Variants in HCN1 observed in about 807,000 individuals in gnomAD.
The protein encoded by HCN1 is hyperpolarization activated cyclic nucleotide gated potassium channel 1.
A neutral mutation model predicts 78.9 loss-of-function variants in HCN1; 13 were observed. The observed-to-expected ratio is 0.16, with a 90% CI of 0.11 to 0.26. HCN1 has a LOEUF of 0.26. Among genes scored for constraint, HCN1 ranks in the 10% least tolerant of loss-of-function variants. The pLI, the probability that HCN1 is intolerant of heterozygous loss-of-function variation, is 1.00. For synonymous variants in HCN1, 552 were observed against 455.5 expected, an observed-to-expected ratio of 1.21 and a Z score of -2.70; for missense variants, 810 against 1,154.3, an observed-to-expected ratio of 0.70 and a Z score of 4.32.
chr5:45,644,176 G>A (rs976893225), intron 2 of HCN1: 2 of 152,036 alleles, frequency 1.3e-5, no homozygotes, highest in African/African-American at 4.8e-5. Flanking sequence ...AATTTATCTT[G>A]AAAATGCTAA....
chr5:45,565,692 C>G (rs895411436), intron 2 of HCN1, among the ~76,000 whole-genome samples: 1 of 151,844 alleles, frequency 6.6e-6, no homozygotes, highest in African/African-American at 2.4e-5. Context: ...GGTGTGGTGT[C>G]ACACGGGAGG....
intron 2 of HCN1, among the ~76,000 whole-genome samples, chr5:45,508,510 TC>T (rs1338176762): frequency 6.6e-6 from 1 of 152,100 alleles, no homozygotes; most frequent in Non-Finnish European, 1.5e-5. Flanking sequence ...TATCTCTGCT[TC>T]TATACTCAAA....
chr5:45,453,797 A>G (rs1227514606), intron 3 of HCN1, among the ~76,000 whole-genome samples: 5 of 152,160 alleles, frequency 3.3e-5, no homozygotes, highest in South Asian at 2.1e-4. Context: ...ATACATGAAT[A>G]CTATATTTGT....
At chr5:45,690,331 A>G (rs1739885824) in intron 1 of HCN1, among the ~76,000 whole-genome samples, 1 of 152,108 alleles carries the variant, frequency 6.6e-6, no homozygotes, top group African/African-American at 2.4e-5. Flanking sequence ...AAATACTATG[A>G]GAAAACTAAC....
At chr5:45,306,769 G>A (rs184741985) in intron 5 of HCN1, among the ~76,000 whole-genome samples, 143 of 152,064 alleles carry the variant, frequency 9.4e-4, no homozygotes, top group Admixed American at 1.6e-3. Context: ...ATTACTTATG[G>A]CACTTGTTAT....
chr5:45,340,949 G>A (rs1048895067), intron 5 of HCN1, among the ~76,000 whole-genome samples: 64 of 152,092 alleles, frequency 4.2e-4, no homozygotes, highest in African/African-American at 1.5e-3. Flanking sequence ...TTCATTTGGG[G>A]CATCATTTCC....
chr5:45,645,172 A>G lies in HCN1; in HGVS notation c.849+13T>C. The G allele has an allele frequency of 6.3e-7, 1 of 1,586,926 alleles. No individual in the cohort carries two copies. ...CATGATATAGATTTAAAAAAGAAAA[A>G]GATGCATCTTACCTCTTCCCATTGA... is the stretch of plus-strand genomic sequence containing the variant. On this transcript the variant is annotated intron_variant, in intron 2 of 7. Transcript: ENST00000303230.
intron 3 of HCN1, among the ~76,000 whole-genome samples, chr5:45,426,713 A>G (rs1482490781): frequency 6.6e-6 from 1 of 152,204 alleles, no homozygotes; most frequent in Non-Finnish European, 1.5e-5. Context: ...ACGAACTAAT[A>G]CAGTCCCTGA....
At chr5:45,605,297 C>T (rs995806798) in intron 2 of HCN1, among the ~76,000 whole-genome samples, 2 of 151,902 alleles carry the variant, frequency 1.3e-5, no homozygotes, top group South Asian at 2.1e-4. Context: ...ATGTCTTTAA[C>T]TCTAGAATTG....
chr5:45,482,339 G>A (rs563080843), intron 2 of HCN1, among the ~76,000 whole-genome samples: 1 of 152,260 alleles, frequency 6.6e-6, no homozygotes, highest in East Asian at 1.9e-4. Context: ...CTTTCATGTG[G>A]ACTAGAGGTA....
At chr5:45,648,072 C>T (rs181280023) in intron 1 of HCN1, among the ~76,000 whole-genome samples, 17 of 152,208 alleles carry the variant, frequency 1.1e-4, no homozygotes, top group East Asian at 5.8e-4. Context: ...TTAAACGAGA[C>T]GATATATGCT....
chr5:45,512,248 A>G (rs17293302), intron 2 of HCN1, among the ~76,000 whole-genome samples: 8,490 of 152,154 alleles, frequency 0.056, 306 homozygotes, highest in East Asian at 0.15. Flanking sequence ...CCAAAATGCT[A>G]TTTGCTAGGA....
intron 5 of HCN1, among the ~76,000 whole-genome samples, chr5:45,316,088 C>A (rs1745984989): frequency 6.6e-6 from 1 of 152,078 alleles, no homozygotes; most frequent in South Asian, 2.1e-4. Flanking sequence ...ATCCTGATAC[C>A]AAAGTCTGGC....
At chr5:45,331,562 A>G (rs923559982) in intron 5 of HCN1, among the ~76,000 whole-genome samples, 46 of 151,326 alleles carry the variant, frequency 3.0e-4, no homozygotes, top group Non-Finnish European at 1.0e-4. Flanking sequence ...CAACATGTAT[A>G]TATTAAATCA....
At chr5:45,645,861 CA>C (rs1561230704) in intron 1 of HCN1, among the ~76,000 whole-genome samples, 2 of 151,602 alleles carry the variant, frequency 1.3e-5, no homozygotes, top group African/African-American at 4.8e-5. Flanking sequence ...CAAATAAAAT[CA>C]AAAACATTCA....
chr5:45,348,744 G>A (rs187668443), intron 5 of HCN1, among the ~76,000 whole-genome samples: 2 of 152,046 alleles, frequency 1.3e-5, no homozygotes, highest in South Asian at 2.1e-4. Flanking sequence ...TAAAACAGAC[G>A]TTAAACCAAC....
intron 2 of HCN1, among the ~76,000 whole-genome samples, chr5:45,568,812 C>G (rs1743768829): frequency 6.6e-6 from 1 of 151,840 alleles, no homozygotes; most frequent in Non-Finnish European, 1.5e-5. Flanking sequence ...GCTCGGAAAA[C>G]AATACATCAA....
chr5:45,656,303 C>G (rs1745763783), intron 1 of HCN1, among the ~76,000 whole-genome samples: 1 of 152,046 alleles, frequency 6.6e-6, no homozygotes, highest in Admixed American at 6.6e-5. Context: ...CACTATGCCT[C>G]CAAAGAGAAT....
chr5:45,464,965 A>C (rs1741237685), intron 2 of HCN1, among the ~76,000 whole-genome samples: 1 of 152,162 alleles, frequency 6.6e-6, no homozygotes, highest in Non-Finnish European at 1.5e-5. Context: ...GGATAAATCT[A>C]AGTGTGACTT....
Sources: gnomAD v4.1 joint callset for allele counts (sites outside exome capture counted in the v4.1 genomes callset) on GRCh38, gnomAD v4.1.1 for gene constraint, MANE v1.5 for transcripts, NCBI Gene and HGNC (gene_info 2026-07-23, HGNC 2026-07-21) for gene names.